MTA3: variants seen among roughly 807,000 people sequenced by gnomAD.
The protein encoded by MTA3 is metastasis-associated protein MTA3.
In MTA3, 34 loss-of-function variants were observed where a neutral mutation model predicts 83.5. The ratio of observed to expected loss-of-function variants is 0.41; its 90% CI spans 0.31 to 0.54. The LOEUF (loss-of-function observed/expected upper bound fraction) is 0.54. Among genes scored for constraint, MTA3 ranks in the 20% least tolerant of loss-of-function variants. The pLI is 0.33. For missense variants in MTA3, 761 were observed against 726.4 expected (o/e 1.05, Z -0.55); for synonymous variants, 303 against 252.7 (o/e 1.20, Z -1.89).
chr2:42,525,792 G>C (rs1052714875), intron 2 of MTA3, among the ~76,000 whole-genome samples: 1 of 151,682 alleles, frequency 6.6e-6, no homozygotes, highest in South Asian at 2.1e-4. Flanking sequence ...CAAGAAGCTG[G>C]GACCACAGGT....
In MTA3 at chr2:42,755,315, G is replaced by A. The variant is rs187481010; in HGVS notation, c.*1916G>A. 1,704 of 985,476 alleles carry A rather than the reference G, an allele frequency of 1.7e-3. 1 individual carries two copies. Among genetic ancestry groups the A allele is most frequent in the Non-Finnish European group, 1.9e-3 (1,606 of 829,994 alleles). 61.0% of individuals were successfully genotyped at this position (985,476 alleles called of 1,614,324 possible). A position where few individuals can be genotyped will look rare whatever the true frequency, so the allele number is the denominator to read the frequency against. On this transcript the variant is annotated 3_prime_UTR_variant, in exon 17 of 17. Transcript: ENST00000405094. ...AGATTCTGGAAACAATTAGCTGCCCGTGACTCAGCTGCCAGCTTCATTTTC... is the reference window on the plus strand; with the variant it reads ...AGATTCTGGAAACAATTAGCTGCCCATGACTCAGCTGCCAGCTTCATTTTC...
At chr2:42,550,875 C>A (rs761360290) in intron 2 of MTA3, among the ~76,000 whole-genome samples, 2 of 151,790 alleles carry the variant, frequency 1.3e-5, no homozygotes, top group Non-Finnish European at 2.9e-5. Context: ...AACCCCATCT[C>A]TACTAAAAAT....
intron 8 of MTA3, among the ~76,000 whole-genome samples, chr2:42,662,723 A>G (rs913813455): frequency 7.1e-6 from 1 of 140,854 alleles, no homozygotes; most frequent in Non-Finnish European, 1.5e-5. Context: ...TAACTATATT[A>G]TATAAATACT....
chr2:42,506,884 G>C (rs1674656078), intron 2 of MTA3, among the ~76,000 whole-genome samples: 1 of 152,006 alleles, frequency 6.6e-6, no homozygotes, highest in Admixed American at 6.6e-5. Flanking sequence ...TGGGATTACA[G>C]GTGTGAGCCA....
chr2:42,733,851 G>C (rs1156250278), intron 16 of MTA3, among the ~76,000 whole-genome samples: 4 of 151,998 alleles, frequency 2.6e-5, no homozygotes, highest in Non-Finnish European at 5.9e-5. Context: ...CAATATTCCT[G>C]TTGTTATTGA....
chr2:42,545,676 G>T (rs930165540), intron 2 of MTA3, among the ~76,000 whole-genome samples: 1 of 152,210 alleles, frequency 6.6e-6, no homozygotes, highest in African/African-American at 2.4e-5. Flanking sequence ...CACATGGCAG[G>T]TTTTCAAGAG....
At chr2:42,643,981 C>T in intron 5 of MTA3, 146 bp from the exon 6 acceptor site, 1 of 505,366 alleles carries the variant, frequency 2.0e-6, no homozygotes, top group Non-Finnish European at 3.4e-6. Flanking sequence ...ACCATGCTCT[C>T]CTTAAAGATT....
At chr2:42,727,739 G>A (rs769408914) in intron 16 of MTA3, among the ~76,000 whole-genome samples, 15 of 151,990 alleles carry the variant, frequency 9.9e-5, no homozygotes, top group Admixed American at 5.2e-4. Flanking sequence ...TAAATCTGTA[G>A]AATACAGATG....
intron 2 of MTA3, among the ~76,000 whole-genome samples, chr2:42,512,672 A>G (rs911401208): frequency 3.9e-5 from 6 of 152,220 alleles, no homozygotes; most frequent in African/African-American, 1.4e-4. Context: ...GATGATGCCA[A>G]GAAGACATTT....
At chr2:42,503,046 C>T (rs1488041054) in intron 2 of MTA3, among the ~76,000 whole-genome samples, 1 of 151,734 alleles carries the variant, frequency 6.6e-6, no homozygotes, top group Non-Finnish European at 1.5e-5. Flanking sequence ...TTGGATCTCA[C>T]ACAAGAAAGA....
At chr2:42,523,390 G>A (rs187332459) in intron 2 of MTA3, among the ~76,000 whole-genome samples, 2 of 152,080 alleles carry the variant, frequency 1.3e-5, no homozygotes, top group African/African-American at 4.8e-5. Flanking sequence ...TTAATTGAAC[G>A]GCGTGTTCTC....
intron 8 of MTA3, among the ~76,000 whole-genome samples, chr2:42,660,934 C>G (rs1416626347): frequency 6.6e-6 from 1 of 152,202 alleles, no homozygotes; most frequent in Non-Finnish European, 1.5e-5. Flanking sequence ...GTCCTCTTGC[C>G]TTGACTTCCC....
At chr2:42,560,134 C>T (rs1165829084) in intron 2 of MTA3, among the ~76,000 whole-genome samples, 2 of 151,786 alleles carry the variant, frequency 1.3e-5, no homozygotes, top group Non-Finnish European at 2.9e-5. Context: ...GCGATTCTCC[C>T]GCCTCAGCCT....
At chr2:42,720,079 C>G (rs1014026790) in intron 15 of MTA3, among the ~76,000 whole-genome samples, 5 of 152,058 alleles carry the variant, frequency 3.3e-5, no homozygotes, top group Admixed American at 6.6e-5. Flanking sequence ...TTATCTAGTC[C>G]TTACCCAAAA....
chr2:42,581,320 C>T (rs79122254), intron 3 of MTA3, among the ~76,000 whole-genome samples: 1 of 144,400 alleles, frequency 6.9e-6, no homozygotes, highest in Admixed American at 7.0e-5. Flanking sequence ...ACAAAGTGTT[C>T]GGATTACAGG....
intron 16 of MTA3, among the ~76,000 whole-genome samples, chr2:42,739,310 G>A (rs114187882): frequency 0.019 from 2,840 of 152,230 alleles, 84 homozygotes; most frequent in African/African-American, 0.065. Flanking sequence ...AGGTCCCCCA[G>A]TAAGAGTGAG....
chr2:42,538,900 G>T (rs573522440), intron 2 of MTA3, among the ~76,000 whole-genome samples: 1 of 148,316 alleles, frequency 6.7e-6, no homozygotes, highest in Non-Finnish European at 1.5e-5. Context: ...TCAGCCTCCC[G>T]AGTAGCTGGG....
At chr2:42,682,279 G>T (rs1040699657) in intron 8 of MTA3, 122 bp from the exon 9 acceptor site, 5 of 685,880 alleles carry the variant, frequency 7.3e-6, no homozygotes, top group Non-Finnish European at 1.1e-5. Flanking sequence ...TTAAAATTTT[G>T]TTAAAAAATA....
intron 2 of MTA3, among the ~76,000 whole-genome samples, chr2:42,516,026 T>G (rs1359659598): frequency 6.6e-6 from 1 of 151,524 alleles, no homozygotes; most frequent in Non-Finnish European, 1.5e-5. Flanking sequence ...ATTTTTCTCC[T>G]GCCTCAGCCT....
Sources: gnomAD v4.1 joint callset for allele counts (sites outside exome capture counted in the v4.1 genomes callset) on GRCh38, gnomAD v4.1.1 for gene constraint, MANE v1.5 for transcripts, NCBI Gene and HGNC (gene_info 2026-07-23, HGNC 2026-07-21) for gene names.